Variants in DPP10 observed in about 807,000 individuals in gnomAD.
DPP10 encodes the protein dipeptidyl peptidase like 10, also known as inactive dipeptidyl peptidase 10.
In DPP10, 33 loss-of-function variants were observed where a neutral mutation model predicts 120.9. That is an observed-to-expected ratio of 0.27 (90% CI 0.21 to 0.37). The LOEUF is 0.37. Ranked by LOEUF, DPP10 falls within the 10% of genes least tolerant of loss-of-function variation. The probability of loss-of-function intolerance (pLI) is 1.00; values close to 1 mark genes in which losing one functional copy is unlikely to be tolerated. For missense variants in DPP10, 816 were observed against 942.8 expected, an observed-to-expected ratio of 0.87 and a Z score of 1.76; for synonymous variants, 337 against 326.1, an observed-to-expected ratio of 1.03 and a Z score of -0.36.
chr2:115,296,229 G>A (rs190472254), intron 1 of DPP10, among the ~76,000 whole-genome samples: 7 of 152,134 alleles, frequency 4.6e-5, no homozygotes, highest in Admixed American at 4.6e-4. Flanking sequence ...ATAAGGAGAT[G>A]AGGTGAATTG....
At chr2:115,653,255 C>G (rs970172605) in intron 5 of DPP10, among the ~76,000 whole-genome samples, 3 of 151,560 alleles carry the variant, frequency 2.0e-5, no homozygotes, top group African/African-American at 4.8e-5. Context: ...TAAAATCAGA[C>G]AAATAGACAA....
intron 1 of DPP10, among the ~76,000 whole-genome samples, chr2:114,862,293 G>A (rs1021204327): frequency 2.6e-5 from 4 of 152,004 alleles, no homozygotes; most frequent in Non-Finnish European, 4.4e-5. Flanking sequence ...AAATAAAAAA[G>A]GACTGAGCAC....
chr2:115,511,733 T>TC (rs1257421752), intron 4 of DPP10, among the ~76,000 whole-genome samples: 27 of 142,796 alleles, frequency 1.9e-4, no homozygotes, highest in East Asian at 1.0e-3. Flanking sequence ...TTCTTCTTCT[T>TC]TTTTTTTTTT....
chr2:115,097,404 C>T (rs566454434), intron 1 of DPP10, among the ~76,000 whole-genome samples: 1 of 152,222 alleles, frequency 6.6e-6, no homozygotes, highest in East Asian at 1.9e-4. Context: ...TATTGATTAT[C>T]ATTTAAGTAC....
chr2:115,376,638 T>C (rs2065820431), intron 3 of DPP10, among the ~76,000 whole-genome samples: 1 of 151,336 alleles, frequency 6.6e-6, no homozygotes, highest in Non-Finnish European at 1.5e-5. Context: ...GCCATGCTGG[T>C]GCGCTGCACC....
At chr2:114,958,772 T>A (rs1157892257) in intron 1 of DPP10, among the ~76,000 whole-genome samples, 3 of 152,202 alleles carry the variant, frequency 2.0e-5, no homozygotes, top group Non-Finnish European at 4.4e-5. Context: ...AATTGAATGT[T>A]TTTATAATAA....
chr2:114,609,365 G>T (rs1426179927), intron 1 of DPP10, among the ~76,000 whole-genome samples: 1 of 152,122 alleles, frequency 6.6e-6, no homozygotes, highest in Non-Finnish European at 1.5e-5. Flanking sequence ...GGCCTGAACT[G>T]CTTCCGTGAC....
chr2:115,118,136 A>T (rs2049622064), intron 1 of DPP10, among the ~76,000 whole-genome samples: 1 of 152,164 alleles, frequency 6.6e-6, no homozygotes, highest in African/African-American at 2.4e-5. Context: ...CCAAACCTAG[A>T]TGTTACTGTT....
intron 5 of DPP10, among the ~76,000 whole-genome samples, chr2:115,614,460 T>A (rs2084342942): frequency 6.6e-6 from 1 of 152,112 alleles, no homozygotes; most frequent in Admixed American, 6.6e-5. Context: ...GAGTCTCACT[T>A]TCTTGCCCAG....
chr2:114,850,410 G>GA (rs745757940), intron 1 of DPP10, among the ~76,000 whole-genome samples: 2 of 151,924 alleles, frequency 1.3e-5, no homozygotes, highest in African/African-American at 2.4e-5. Flanking sequence ...TCTTTTCATG[G>GA]AAAAAATCCC....
chr2:115,233,794 C>A (rs1037319520), intron 1 of DPP10, among the ~76,000 whole-genome samples: 2 of 152,148 alleles, frequency 1.3e-5, no homozygotes, highest in Admixed American at 6.6e-5. Context: ...GCATCCTTTT[C>A]ACTCATGGAA....
At chr2:115,568,553 C>CT (rs11404230) in intron 5 of DPP10, among the ~76,000 whole-genome samples, 134,007 of 147,760 alleles carry the variant, frequency 0.91, 60,979 homozygotes, top group East Asian at 0.96. Flanking sequence ...TGAGGTTGAT[C>CT]TTTTTTTTTT....
At chr2:115,074,313 A>G (rs776320012) in intron 1 of DPP10, among the ~76,000 whole-genome samples, 2 of 152,198 alleles carry the variant, frequency 1.3e-5, no homozygotes, top group Non-Finnish European at 2.9e-5. Context: ...CGGCAGGGAA[A>G]TGATTTTTTT....
intron 3 of DPP10, among the ~76,000 whole-genome samples, chr2:115,403,449 G>GAATTCAGT (rs1269132858): frequency 2.4e-5 from 3 of 125,898 alleles, no homozygotes; most frequent in South Asian, 5.4e-4. Flanking sequence ...GCCCAGGCTG[G>GAATTCAGT]AATTCAGTGG....
intron 1 of DPP10, among the ~76,000 whole-genome samples, chr2:115,210,466 T>C (rs1224103774): frequency 6.6e-6 from 1 of 152,158 alleles, no homozygotes; most frequent in Non-Finnish European, 1.5e-5. Context: ...TTGTGAATAG[T>C]GCCGCAATAA....
chr2:114,846,016 T>G lies in DPP10; in HGVS notation c.60+403178T>G, dbSNP rs148385036. ...TTTTTTTCTCATGCCAATATATTTT[T>G]GTATGTTGGATCTCACTGAGGACAA... On this transcript the variant is annotated intron_variant, in intron 1 of 25. Transcript: ENST00000410059. 5.6e-3 allele frequency among the ~76,000 whole-genome samples: 857 copies of G among 152,246 alleles called. 6 individuals are homozygous for G. The highest frequency in any genetic ancestry group is 0.019 in the African/African-American group (804 of 41,550).
At chr2:115,594,019 T>C (rs2082842396) in intron 5 of DPP10, among the ~76,000 whole-genome samples, 1 of 152,174 alleles carries the variant, frequency 6.6e-6, no homozygotes, top group African/African-American at 2.4e-5. Flanking sequence ...AAACTTGAGA[T>C]TCTTAGGCCT....
chr2:115,297,691 G>C (rs1298656830), intron 1 of DPP10, among the ~76,000 whole-genome samples: 2 of 152,026 alleles, frequency 1.3e-5, no homozygotes, highest in Non-Finnish European at 1.5e-5. Context: ...ACTTCTAGAT[G>C]ATTGGGCTGC....
At chr2:115,131,749 C>G (rs752900685) in intron 1 of DPP10, 4 of 151,974 alleles carry the variant, frequency 2.6e-5, no homozygotes, top group Non-Finnish European at 4.4e-5. Flanking sequence ...GCCTGGGGAA[C>G]AGTCTCAAGA....
Sources: allele counts gnomAD v4.1 joint callset (sites outside exome capture counted in the v4.1 genomes callset), GRCh38; gene constraint gnomAD v4.1.1; transcripts MANE v1.5; gene names NCBI Gene and HGNC (gene_info 2026-07-23, HGNC 2026-07-21).